The following L3MBTL4 variants were observed in gnomAD, a reference collection of about 807,000 sequenced individuals.
L3MBTL4 encodes lethal(3)malignant brain tumor-like protein 4.
Under a neutral mutation model 84.5 loss-of-function variants are expected in L3MBTL4, and 70 were observed. That is an observed-to-expected ratio of 0.83 (90% CI 0.68 to 1.01). The LOEUF (loss-of-function observed/expected upper bound fraction) is 1.01, where lower values mean the gene tolerates loss of function less well. L3MBTL4 is among the 50% of genes least tolerant of loss of function. The probability of loss-of-function intolerance (pLI) is 0.00; values close to 1 mark genes in which losing one functional copy is unlikely to be tolerated. For missense variants in L3MBTL4, 715 were observed against 754.8 expected (o/e 0.95, Z 0.62); for synonymous variants, 274 against 259.8 (o/e 1.05, Z -0.52).
In L3MBTL4 at chr18:6,054,954, C is replaced by T. The variant is rs140357253; in HGVS notation, c.1444+25927G>A. 3.0e-3 allele frequency among the ~76,000 whole-genome samples: 453 copies of T among 152,300 alleles called. 2 individuals carry two copies. The highest frequency in any genetic ancestry group is 0.01 in the African/African-American group (430 of 41,568). ...ACTTACAGGTTATTCCACATGAATC[C>T]ACTGGAAGACACTAAAATACAGTTG... On this transcript the variant is annotated intron_variant, in intron 16 of 18. Transcript: ENST00000317931.
At chr18:6,026,144 T>A (rs2055495548) in intron 16 of L3MBTL4, among the ~76,000 whole-genome samples, 1 of 152,202 alleles carries the variant, frequency 6.6e-6, no homozygotes, top group African/African-American at 2.4e-5. Context: ...TGAACATTCT[T>A]TTAGCCTTAG....
intron 16 of L3MBTL4, among the ~76,000 whole-genome samples, chr18:6,010,398 G>GTTT (rs1260353509): frequency 1.3e-5 from 2 of 152,130 alleles, no homozygotes; most frequent in African/African-American, 4.8e-5. Flanking sequence ...ATGAAAAATG[G>GTTT]TTTGTGATTC....
chr18:5,961,232 A>C (rs1488435922), intron 17 of L3MBTL4, among the ~76,000 whole-genome samples: 1 of 152,216 alleles, frequency 6.6e-6, no homozygotes, highest in African/African-American at 2.4e-5. Flanking sequence ...TCCCACCCTC[A>C]GAGAGCTCTG....
chr18:6,054,681 G>A (rs770213792), intron 16 of L3MBTL4, among the ~76,000 whole-genome samples: 5 of 151,862 alleles, frequency 3.3e-5, no homozygotes, highest in African/African-American at 7.2e-5. Context: ...ACAGATTAAC[G>A]CTTCGCCACA....
At chr18:6,118,993 CTTTTTTT>C (rs779523685) in intron 14 of L3MBTL4, among the ~76,000 whole-genome samples, 155 of 83,710 alleles carry the variant, frequency 1.9e-3, no homozygotes, top group African/African-American at 4.7e-3. Context: ...TTTTTGGTTT[CTTTTTTT>C]TTTTTTTTTT....
chr18:6,064,437 A>G (rs1302553823), intron 16 of L3MBTL4, among the ~76,000 whole-genome samples: 2 of 152,018 alleles, frequency 1.3e-5, no homozygotes, highest in African/African-American at 4.8e-5. Flanking sequence ...GAATCTGTAG[A>G]TTGCTTTTGG....
intron 1 of L3MBTL4, among the ~76,000 whole-genome samples, chr18:6,325,882 T>C (rs1335384663): frequency 1.3e-5 from 2 of 152,242 alleles, no homozygotes; most frequent in African/African-American, 4.8e-5. Flanking sequence ...TATGTTTTCT[T>C]TTAACTGAAC....
chr18:5,955,431 G>A lies in L3MBTL4; in HGVS notation c.*789C>T, dbSNP rs2095221544. ...TGGGAGCAGGGAGGAGTTCTGTGCA[G>A]GTGAGCGTCTGGCCCAGCAGCCACA... is the stretch of plus-strand genomic sequence containing the variant. On this transcript the variant is annotated 3_prime_UTR_variant, in exon 19 of 19. Transcript: ENST00000317931. 1 of 152,322 alleles carries A rather than the reference G, an allele frequency of 6.6e-6. No homozygotes were observed. Among genetic ancestry groups the A allele is most frequent in the African/African-American group, 2.4e-5 (1 of 41,436 alleles). The allele number at this position is 152,322 out of a possible 1,614,324, so 9.4% of individuals were successfully genotyped here.
intron 18 of L3MBTL4, among the ~76,000 whole-genome samples, chr18:5,958,010 GGAGGAGGAGAAGGAGAAA>G (rs1316633981): frequency 1.0e-4 from 15 of 145,648 alleles, no homozygotes; most frequent in Non-Finnish European, 4.5e-5. Flanking sequence ...AGGAGAAGGA[GGAGGAGGAGAAGGAGAAA>G]GAGGAGGAGG....
At chr18:6,181,157 A>G (rs934536693) in intron 12 of L3MBTL4, among the ~76,000 whole-genome samples, 21 of 143,602 alleles carry the variant, frequency 1.5e-4, no homozygotes, top group Admixed American at 7.7e-4. Context: ...GGTGAGGACA[A>G]TTTTTTTTTT....
chr18:6,361,919 C>G (rs1254066567), intron 1 of L3MBTL4, among the ~76,000 whole-genome samples: 1 of 151,792 alleles, frequency 6.6e-6, no homozygotes, highest in Admixed American at 6.6e-5. Context: ...AGTTTGAGAC[C>G]AGCCTGAGAA....
chr18:6,073,012 G>A (rs1260545866), intron 16 of L3MBTL4, among the ~76,000 whole-genome samples: 1 of 146,978 alleles, frequency 6.8e-6, no homozygotes, highest in South Asian at 2.2e-4. Flanking sequence ...CAAAGAGAGT[G>A]GAAGGCAGGA....
At chr18:6,081,192 TA>T (rs1349625121) in intron 15 of L3MBTL4, 3 of 345,944 alleles carry the variant, frequency 8.7e-6, no homozygotes, top group East Asian at 4.9e-5. Context: ...TCTATTACAG[TA>T]AAAAGTTTCC....
At chr18:6,366,901 T>G (rs972557221) in intron 1 of L3MBTL4, among the ~76,000 whole-genome samples, 1 of 152,338 alleles carries the variant, frequency 6.6e-6, no homozygotes, top group South Asian at 2.1e-4. Flanking sequence ...GATCTCCTTT[T>G]ACTCTAGCCA....
At chr18:6,220,825 C>A (rs796579148) in intron 10 of L3MBTL4, among the ~76,000 whole-genome samples, 6 of 152,274 alleles carry the variant, frequency 3.9e-5, no homozygotes, top group African/African-American at 1.4e-4. Context: ...TGATACCAGT[C>A]TAGCCCCAAA....
intron 3 of L3MBTL4, among the ~76,000 whole-genome samples, chr18:6,306,801 A>G (rs544872086): frequency 1.3e-5 from 2 of 152,348 alleles, no homozygotes; most frequent in Non-Finnish European, 2.9e-5. Context: ...TTGCAATCTA[A>G]GACTGTTGTT....
At chr18:5,989,724 C>T (rs1598372886) in intron 16 of L3MBTL4, among the ~76,000 whole-genome samples, 1 of 152,164 alleles carries the variant, frequency 6.6e-6, no homozygotes, top group Non-Finnish European at 1.5e-5. Flanking sequence ...ATTATGTGCT[C>T]TCAGGTGAGG....
chr18:6,349,328 A>G (rs763651706), intron 1 of L3MBTL4, among the ~76,000 whole-genome samples: 4 of 152,230 alleles, frequency 2.6e-5, no homozygotes, highest in African/African-American at 4.8e-5. Context: ...TGTGTGGTGT[A>G]TTCATACAAT....
chr18:6,217,481 T>A (rs1349083456), intron 10 of L3MBTL4, among the ~76,000 whole-genome samples: 1 of 152,252 alleles, frequency 6.6e-6, no homozygotes, highest in Non-Finnish European at 1.5e-5. Flanking sequence ...TGTTGTATAA[T>A]ATTCCATTAT....
Sources: allele counts gnomAD v4.1 joint callset (sites outside exome capture counted in the v4.1 genomes callset), GRCh38; gene constraint gnomAD v4.1.1; transcripts MANE v1.5; gene names NCBI Gene and HGNC (gene_info 2026-07-23, HGNC 2026-07-21).